PLEKHA6: variants seen among roughly 807,000 people sequenced by gnomAD.
The protein encoded by PLEKHA6 is pleckstrin homology domain containing A6.
A neutral mutation model predicts 116.7 loss-of-function variants in PLEKHA6; 60 were observed. That is an observed-to-expected ratio of 0.51 (90% CI 0.42 to 0.64). The LOEUF is 0.64. Ranked by LOEUF, PLEKHA6 falls within the 30% of genes least tolerant of loss-of-function variation. The probability of loss-of-function intolerance (pLI) is 0.00; values close to 1 mark genes in which losing one functional copy is unlikely to be tolerated. For synonymous variants in PLEKHA6, 489 were observed against 556.1 expected (o/e 0.88, Z 1.70); for missense variants, 1,338 against 1,422.7 (o/e 0.94, Z 0.96).
chr1:204,221,914 T>G lies in PLEKHA6; in HGVS notation c.*874A>C, dbSNP rs1659677619. 1 of 152,416 alleles carries G rather than the reference T, an allele frequency of 6.6e-6. No homozygotes were observed. Among genetic ancestry groups the G allele is most frequent in the Non-Finnish European group, 1.5e-5 (1 of 68,362 alleles). The allele number at this position is 152,416 out of a possible 1,614,324, so 9.4% of individuals were successfully genotyped here. ...TCTGGCACTGCACTGGGCACTAACCTAAGGCTCCACCGGGGGAAACCAATC... is the reference window on the plus strand; with the variant it reads ...TCTGGCACTGCACTGGGCACTAACCGAAGGCTCCACCGGGGGAAACCAATC... On this transcript the variant is annotated 3_prime_UTR_variant, in exon 23 of 23. Coordinates refer to ENST00000272203, the MANE Select transcript of PLEKHA6 (RefSeq NM_014935.5).
At chr1:204,269,192 C>T (rs1667172122) in intron 3 of PLEKHA6, among the ~76,000 whole-genome samples, 1 of 151,338 alleles carries the variant, frequency 6.6e-6, no homozygotes, top group Non-Finnish European at 1.5e-5. Context: ...ATTAACTCAA[C>T]ACCAGCTTTT....
chr1:204,286,191 G>A (rs898616820), intron 1 of PLEKHA6, among the ~76,000 whole-genome samples: 1 of 152,184 alleles, frequency 6.6e-6, no homozygotes, highest in Admixed American at 6.5e-5. Context: ...CTTACAGAGG[G>A]GAGGGAAGAC....
At chr1:204,280,359 C>T (rs1668466326) in intron 1 of PLEKHA6, 1 of 985,260 alleles carries the variant, frequency 1.0e-6, no homozygotes, top group South Asian at 4.7e-5. Flanking sequence ...TACACATGCA[C>T]ACACACTCCC....
chr1:204,332,279 A>G (rs1211610213), intron 1 of PLEKHA6, among the ~76,000 whole-genome samples: 1 of 151,674 alleles, frequency 6.6e-6, no homozygotes, highest in African/African-American at 2.4e-5. Context: ...GCCACCTCCC[A>G]CCTCCCCACA....
intron 17 of PLEKHA6, among the ~76,000 whole-genome samples, chr1:204,231,569 C>CTTT (rs142955448): frequency 2.2e-5 from 3 of 138,956 alleles, no homozygotes; most frequent in East Asian, 2.1e-4. Flanking sequence ...TTTTTTCTTT[C>CTTT]TTTTTTTTTT....
At position 204,248,807 on chromosome 1, in the gene PLEKHA6, G is replaced by A. The variant is rs187660221; in HGVS notation, c.1824+14C>T. 3.2e-3 allele frequency: 5,209 copies of A among 1,611,680 alleles called. 203 individuals are homozygous for A. The Admixed American group carries it at 0.078, about 24-fold the overall frequency. ...TGATGAGGTGGGGTGCACGAACCCCGCTCCCTGGGTTACCGTGGTCGCCTG... is the reference window on the plus strand; with the variant it reads ...TGATGAGGTGGGGTGCACGAACCCCACTCCCTGGGTTACCGTGGTCGCCTG... On this transcript the variant is annotated intron_variant, in intron 12 of 22. Coordinates refer to ENST00000272203, the MANE Select transcript of PLEKHA6 (RefSeq NM_014935.5).
chr1:204,253,188 A>T (rs1406203371), intron 9 of PLEKHA6, among the ~76,000 whole-genome samples: 1 of 152,224 alleles, frequency 6.6e-6, no homozygotes, highest in Non-Finnish European at 1.5e-5. Flanking sequence ...GATGCCTGAC[A>T]AAGAGCTCAC....
intron 1 of PLEKHA6, among the ~76,000 whole-genome samples, chr1:204,295,797 A>C (rs1670219715): frequency 6.6e-6 from 1 of 152,166 alleles, no homozygotes; most frequent in Non-Finnish European, 1.5e-5. Flanking sequence ...TTATGCTTCT[A>C]GGTGGCCACA....
chr1:204,243,378 C>G, intron 15 of PLEKHA6: 1 of 398,494 alleles, frequency 2.5e-6, no homozygotes. Context: ...CTGGGTGGGC[C>G]CCTGGGACCA....
At chr1:204,286,048 C>T (rs1211540045) in intron 1 of PLEKHA6, among the ~76,000 whole-genome samples, 1 of 152,142 alleles carries the variant, frequency 6.6e-6, no homozygotes, top group African/African-American at 2.4e-5. Flanking sequence ...AGGATTCTTC[C>T]TTCCCTGCAC....
intron 1 of PLEKHA6, among the ~76,000 whole-genome samples, chr1:204,291,737 A>G (rs912180686): frequency 2.0e-5 from 3 of 152,220 alleles, no homozygotes; most frequent in Admixed American, 1.3e-4. Context: ...AAACTAATCT[A>G]TAGTGACAGA....
chr1:204,232,349 A>G (rs1661308860), intron 17 of PLEKHA6, among the ~76,000 whole-genome samples: 1 of 152,200 alleles, frequency 6.6e-6, no homozygotes, highest in African/African-American at 2.4e-5. Flanking sequence ...CTAGTTCACA[A>G]AGGATGCTTA....
chr1:204,231,552 T>C (rs2102445946), intron 17 of PLEKHA6, among the ~76,000 whole-genome samples: 1 of 147,992 alleles, frequency 6.8e-6, no homozygotes, highest in East Asian at 2.0e-4. Context: ...TCCTGTATTG[T>C]TGGGTTTTTT....
intron 2 of PLEKHA6, among the ~76,000 whole-genome samples, chr1:204,368,272 C>T (rs1269555754): frequency 7.9e-5 from 12 of 152,188 alleles, no homozygotes; most frequent in Admixed American, 7.2e-4. Flanking sequence ...GGGCAGGTCA[C>T]TTGCCCCAGG....
chr1:204,248,789 G>A, intron 12 of PLEKHA6, 32 bp downstream of exon 12: 3 of 1,605,258 alleles, frequency 1.9e-6, no homozygotes, highest in South Asian at 1.1e-5. Context: ...TGCTGATGAG[G>A]TGGGGTGCAC....
At chr1:204,256,025 T>C (rs1665236533) in intron 9 of PLEKHA6, among the ~76,000 whole-genome samples, 1 of 152,186 alleles carries the variant, frequency 6.6e-6, no homozygotes, top group African/African-American at 2.4e-5. Context: ...AATCGGTTGT[T>C]TCTGGGTGCG....
intron 3 of PLEKHA6, 112 bp from the exon 4 acceptor site, chr1:204,268,424 G>A (rs1363391356): frequency 1.8e-6 from 1 of 549,058 alleles, no homozygotes; most frequent in Non-Finnish European, 3.0e-6. Flanking sequence ...ACCCTGGGGT[G>A]CCCTCACACC....
intron 1 of PLEKHA6, among the ~76,000 whole-genome samples, chr1:204,345,079 A>G (rs1471507241): frequency 6.6e-6 from 1 of 152,184 alleles, no homozygotes; most frequent in Admixed American, 6.5e-5. Context: ...AGAAAGACAT[A>G]TGTGGATGGA....
intron 15 of PLEKHA6, among the ~76,000 whole-genome samples, chr1:204,243,754 G>C (rs1663194312): frequency 6.6e-6 from 1 of 152,188 alleles, no homozygotes; most frequent in South Asian, 2.1e-4. Context: ...TCCATAGGAT[G>C]CTGGGCTCCC....
Sources: allele counts gnomAD v4.1 joint callset (sites outside exome capture counted in the v4.1 genomes callset), GRCh38; gene constraint gnomAD v4.1.1; transcripts MANE v1.5; gene names NCBI Gene and HGNC (gene_info 2026-07-23, HGNC 2026-07-21).